The following KLF16 variants were observed in gnomAD, a reference collection of about 807,000 sequenced individuals.
KLF16 encodes the protein Krueppel-like factor 16.
Under a neutral mutation model 6.1 loss-of-function variants are expected in KLF16, and 6 were observed. The observed-to-expected ratio is 0.98, with a 90% confidence interval of 0.54 to 1.93. The LOEUF (loss-of-function observed/expected upper bound fraction) is 1.93, where lower values mean the gene tolerates loss of function less well. Ranked by LOEUF, KLF16 falls within the 30% of genes most tolerant of loss-of-function variation. The pLI is 0.01. For synonymous variants in KLF16, 211 were observed against 176.5 expected (o/e 1.20, Z -1.55); for missense variants, 355 against 363.8 (o/e 0.98, Z 0.20).
intron 1 of KLF16, among the ~76,000 whole-genome samples, chr19:1,856,298 T>C (rs939270091): frequency 6.6e-6 from 1 of 152,090 alleles, no homozygotes; most frequent in African/African-American, 2.4e-5. Context: ...TGGAGGGGTC[T>C]GCCCACTGAG....
At chr19:1,869,768 G>C in the KLF16 span, among the ~76,000 whole-genome samples, 1 of 151,980 alleles carries the variant, frequency 6.6e-6, no homozygotes, top group African/African-American at 2.4e-5. Context: ...CGCCACGCCC[G>C]GCTAAATTTT....
intron 1 of KLF16, among the ~76,000 whole-genome samples, chr19:1,860,064 G>A (rs370597563): frequency 1.3e-3 from 195 of 150,068 alleles, no homozygotes; most frequent in African/African-American, 4.8e-3. Context: ...GGAGGGTGTC[G>A]GCAAACCCTC....
At chr19:1,862,535 C>A (rs565576589) in intron 1 of KLF16, among the ~76,000 whole-genome samples, 14 of 152,156 alleles carry the variant, frequency 9.2e-5, no homozygotes, top group African/African-American at 3.4e-4. Context: ...CCCATCCTGG[C>A]CCCACGCCAG....
chr19:1,859,286 C>G lies in KLF16; in HGVS notation c.457+3755G>C, dbSNP rs547352615. 2.0e-5 allele frequency among the ~76,000 whole-genome samples: 3 copies of G among 152,224 alleles called. No individual in the cohort carries two copies. The South Asian group carries it at 6.2e-4, about 32-fold the overall frequency. ...CCCACCCACCTGTCCTCCTGGGGCC[C>G]TCTTCAGCAAGGGATCAGAAACCTG... On this transcript the variant is annotated intron_variant, in intron 1 of 1. Coordinates refer to ENST00000250916, the MANE Select transcript of KLF16 (RefSeq NM_031918.4).
the KLF16 span, among the ~76,000 whole-genome samples, chr19:1,869,930 C>CTTTTTTTT: frequency 1.8e-5 from 2 of 109,752 alleles, no homozygotes; most frequent in African/African-American, 4.0e-5. Flanking sequence ...AATACTTTTT[C>CTTTTTTTT]TTTTTTTTTT....
chr19:1,875,730 C>G, the KLF16 span: 1 of 152,420 alleles, frequency 6.6e-6, no homozygotes, highest in Non-Finnish European at 1.5e-5. Context: ...GCGGCAGCAG[C>G]GAGCAGGGGG....
the KLF16 span, among the ~76,000 whole-genome samples, chr19:1,872,823 G>A: frequency 6.6e-6 from 1 of 151,992 alleles, no homozygotes; most frequent in African/African-American, 2.4e-5. Context: ...GAAGATCGAC[G>A]TGGCCCGTGG....
intron 1 of KLF16, 62 bp downstream of exon 1, chr19:1,862,979 C>T: frequency 1.9e-6 from 2 of 1,072,780 alleles, no homozygotes; most frequent in East Asian, 9.5e-5. Context: ...TTTCGGGGTC[C>T]TGGCGGGGGA....
chr19:1,875,777 G>C, the KLF16 span: 2 of 152,570 alleles, frequency 1.3e-5, no homozygotes, highest in Non-Finnish European at 2.9e-5. Context: ...AGGCATGAAA[G>C]GCAGACGTGT....
the KLF16 span, among the ~76,000 whole-genome samples, chr19:1,873,128 G>A: frequency 1.3e-5 from 2 of 152,210 alleles, no homozygotes; most frequent in East Asian, 3.9e-4. Context: ...GAACCCCAGA[G>A]GGCCCTCAGG....
chr19:1,856,582 C>T (rs948907033), intron 1 of KLF16, among the ~76,000 whole-genome samples: 32 of 152,138 alleles, frequency 2.1e-4, no homozygotes, highest in South Asian at 6.2e-4. Flanking sequence ...CAGCTGGGGT[C>T]GCGGGTCCGC....
In KLF16 at chr19:1,856,779, C is replaced by T. The variant is rs532823143; in HGVS notation, c.458-2019G>A. 1.1e-4 allele frequency among the ~76,000 whole-genome samples: 16 copies of T among 152,332 alleles called. No individual in the cohort carries two copies. In the East Asian group the frequency reaches 3.1e-3, roughly 29 times the overall value. On this transcript the variant is annotated intron_variant, in intron 1 of 1. Transcript: ENST00000250916. ...GGCTCGCGCCCCTCCAGGGAACATGCCGCCGTGTCGCCATCTTGCAAGGCA... is the reference window on the plus strand; with the variant it reads ...GGCTCGCGCCCCTCCAGGGAACATGTCGCCGTGTCGCCATCTTGCAAGGCA...
chr19:1,855,167 C>T (rs1484609010), intron 1 of KLF16, among the ~76,000 whole-genome samples: 1 of 152,228 alleles, frequency 6.6e-6, no homozygotes, highest in South Asian at 2.1e-4. Flanking sequence ...AAGGCATGCT[C>T]GGCCTTCAGG....
Position 1,863,103 on chromosome 19 carries a change from G to C in KLF16, c.395C>G (p.Pro132Arg). 4 of 1,396,710 alleles carry C rather than the reference G, an allele frequency of 2.9e-6. No homozygotes were observed. The highest frequency in any genetic ancestry group is 3.8e-6 in the Non-Finnish European group (4 of 1,056,480). 86.5% of individuals were successfully genotyped at this position (1,396,710 alleles called of 1,614,324 possible). A position where few individuals can be genotyped will look rare whatever the true frequency, so the allele number is the denominator to read the frequency against. Residue 132 changes from proline (P) to arginine (R), a missense_variant, in exon 1 of 2, where the codon CCG (proline) becomes CGG (arginine). Coordinates refer to ENST00000250916, the MANE Select transcript of KLF16 (RefSeq NM_031918.4). ...AAAKSHRCPF[P>R]DCAKAYYKSS... ...CTTGTAGTAGGCTTTGGCGCAGTCCGGGAAGGGACAGCGGTGGCTCTTGGC... is the reference window on the plus strand; with the variant it reads ...CTTGTAGTAGGCTTTGGCGCAGTCCCGGAAGGGACAGCGGTGGCTCTTGGC...
In KLF16 at chr19:1,863,029, G is replaced by A. The variant is rs753381600; in HGVS notation, c.457+12C>T. ...CCGCCCCCGCAAGGGCCGGGATCGC[G>A]GCTGCACTCACCTGTGTGCGTCCGC... is the stretch of plus-strand genomic sequence containing the variant. On this transcript the variant is annotated intron_variant, in intron 1 of 1. Transcript: ENST00000250916. 1.5e-5 allele frequency: 20 copies of A among 1,354,422 alleles called. No homozygotes were observed. Among genetic ancestry groups the A allele is most frequent in the Admixed American group, 2.7e-5 (1 of 37,708 alleles). 83.9% of individuals were successfully genotyped at this position (1,354,422 alleles called of 1,614,324 possible). A position where few individuals can be genotyped will look rare whatever the true frequency, so the allele number is the denominator to read the frequency against.
At chr19:1,860,103 C>T (rs1489216128) in intron 1 of KLF16, 6 of 130,876 alleles carry the variant, frequency 4.6e-5, no homozygotes, top group African/African-American at 6.6e-5. Context: ...GTGTGCCGGG[C>T]ACTGGCATGC....
intron 1 of KLF16, among the ~76,000 whole-genome samples, chr19:1,855,796 G>A (rs1309005999): frequency 6.6e-6 from 1 of 152,246 alleles, no homozygotes; most frequent in Non-Finnish European, 1.5e-5. Flanking sequence ...GCAGGACAAA[G>A]GGCCCTGCAT....
the KLF16 span, among the ~76,000 whole-genome samples, chr19:1,868,639 G>A: frequency 6.7e-6 from 1 of 149,342 alleles, no homozygotes; most frequent in East Asian, 1.9e-4. Flanking sequence ...CCACCACACC[G>A]GGCTTTTTTT....
chr19:1,857,766 G>GCCCCAGCC lies in KLF16; in HGVS notation c.458-3014_458-3007dup, dbSNP rs1490466263. Among the ~76,000 whole-genome samples the GCCCCAGCC allele has an allele frequency of 6.6e-6, 1 of 152,064 alleles. No homozygotes were observed. Among genetic ancestry groups the GCCCCAGCC allele is most frequent in the African/African-American group, 2.4e-5 (1 of 41,414 alleles). On this transcript the variant is annotated intron_variant, in intron 1 of 1. Coordinates refer to ENST00000250916, the MANE Select transcript of KLF16 (RefSeq NM_031918.4). This position sits in a 1 kb window ranked among gnomAD's most constrained non-coding sequence, Gnocchi z 4.7. The stretch of plus-strand genomic sequence containing the variant: ...GGGAGGGCACAGGTGGGGAAGACCA[G>GCCCCAGCC]CCCCAGCCGCAAAGCAAGCATCCCA...
Sources: gnomAD v4.1 joint callset for allele counts (sites outside exome capture counted in the v4.1 genomes callset) on GRCh38, gnomAD v4.1.1 for gene constraint, Gnocchi (gnomAD v3.1) non-coding constraint, MANE v1.5 for transcripts, NCBI Gene and HGNC (gene_info 2026-07-23, HGNC 2026-07-21) for gene names.